Variants in TBC1D4 observed in about 807,000 individuals in gnomAD.
TBC1D4 encodes TBC (Tre-2, BUB2, CDC16) domain-containing protein.
TBC1D4 carries 121 observed loss-of-function variants against 142.5 expected under a neutral mutation model. The ratio of observed to expected loss-of-function variants is 0.85; its 90% CI spans 0.73 to 0.99. The LOEUF is 0.99. Among genes scored for constraint, TBC1D4 ranks in the 50% least tolerant of loss-of-function variants. The probability of loss-of-function intolerance (pLI) is 0.00; values close to 1 mark genes in which losing one functional copy is unlikely to be tolerated. For synonymous variants in TBC1D4, 630 were observed against 628.2 expected, an observed-to-expected ratio of 1.00 and a Z score of -0.04; for missense variants, 1,475 against 1,606.6, an observed-to-expected ratio of 0.92 and a Z score of 1.40.
intron 12 of TBC1D4, among the ~76,000 whole-genome samples, chr13:75,313,919 G>A (rs1329122834): frequency 2.0e-5 from 3 of 152,164 alleles, no homozygotes; most frequent in Non-Finnish European, 4.4e-5. Context: ...GGGAAACAGT[G>A]TATAGAAATT....
intron 1 of TBC1D4, among the ~76,000 whole-genome samples, chr13:75,440,200 G>GA (rs939923054): frequency 2.7e-5 from 4 of 150,238 alleles, no homozygotes; most frequent in Admixed American, 6.6e-5. Context: ...AACTGGAAAA[G>GA]AAAAAAAAAG....
At chr13:75,397,314 T>A (rs1441574176) in intron 1 of TBC1D4, among the ~76,000 whole-genome samples, 2 of 152,026 alleles carry the variant, frequency 1.3e-5, no homozygotes, top group African/African-American at 2.4e-5. Flanking sequence ...AAAGCATAAA[T>A]TAACTATGAA....
At chr13:75,327,704 C>T (rs1026032764) in intron 9 of TBC1D4, 48 bp downstream of exon 9, 4 of 1,571,910 alleles carry the variant, frequency 2.5e-6, no homozygotes, top group Non-Finnish European at 3.5e-6. Flanking sequence ...CATATCGGTG[C>T]TGACTTTGTT....
chr13:75,298,620 G>T (rs1029280976), intron 17 of TBC1D4, among the ~76,000 whole-genome samples: 1 of 152,182 alleles, frequency 6.6e-6, no homozygotes, highest in African/African-American at 2.4e-5. Context: ...AGGCATGGTG[G>T]CACCTGCCTG....
At chr13:75,405,132 G>A (rs996074105) in intron 1 of TBC1D4, among the ~76,000 whole-genome samples, 4 of 152,112 alleles carry the variant, frequency 2.6e-5, no homozygotes, top group African/African-American at 4.8e-5. Flanking sequence ...TCAGCTATAT[G>A]GAGAGAAGAC....
intron 1 of TBC1D4, among the ~76,000 whole-genome samples, chr13:75,461,170 T>C (rs923036136): frequency 1.3e-5 from 2 of 152,222 alleles, no homozygotes; most frequent in Admixed American, 1.3e-4. Context: ...TGCTGTATAT[T>C]TGGGAGCCAC....
At chr13:75,407,770 A>C (rs887977991) in intron 1 of TBC1D4, among the ~76,000 whole-genome samples, 2 of 152,082 alleles carry the variant, frequency 1.3e-5, no homozygotes, top group African/African-American at 2.4e-5. Flanking sequence ...CCCACAGCAA[A>C]GTCTAAGGGT....
intron 13 of TBC1D4, among the ~76,000 whole-genome samples, chr13:75,312,269 A>C (rs528428656): frequency 6.6e-6 from 1 of 151,952 alleles, no homozygotes; most frequent in African/African-American, 2.4e-5. Flanking sequence ...GCTCTTATAA[A>C]AGGCTATGTT....
At chr13:75,388,777 C>T (rs6562891) in intron 1 of TBC1D4, among the ~76,000 whole-genome samples, 149,990 of 152,336 alleles carry the variant, frequency 0.98, 73,884 homozygotes, top group East Asian at 1. Flanking sequence ...GTACTATGGT[C>T]CTCAAGTCTT....
intron 1 of TBC1D4, among the ~76,000 whole-genome samples, chr13:75,366,013 A>G (rs1238093178): frequency 6.6e-6 from 1 of 152,194 alleles, no homozygotes; most frequent in African/African-American, 2.4e-5. Flanking sequence ...CCAAACTAGG[A>G]AGTGACGGTA....
chr13:75,467,398 C>G (rs552619995), intron 1 of TBC1D4, among the ~76,000 whole-genome samples: 23 of 152,268 alleles, frequency 1.5e-4, no homozygotes, highest in African/African-American at 5.3e-4. Context: ...ATTATAAAAA[C>G]TAATGACAAA....
chr13:75,307,466 G>A (rs1230499186), intron 14 of TBC1D4, among the ~76,000 whole-genome samples: 2 of 152,012 alleles, frequency 1.3e-5, no homozygotes, highest in Non-Finnish European at 1.5e-5. Context: ...AAAAGAGAAG[G>A]AAGAGCAGAC....
At chr13:75,427,842 T>C (rs1886441539) in intron 1 of TBC1D4, among the ~76,000 whole-genome samples, 3 of 152,258 alleles carry the variant, frequency 2.0e-5, no homozygotes, top group African/African-American at 4.8e-5. Context: ...TCTTGTTTTA[T>C]GTTGCTTATA....
rs544949458 is a variant in TBC1D4, at chr13:75,286,567, A to G, written c.*225T>C. 1.1e-5 allele frequency: 5 copies of G among 475,276 alleles called. No homozygotes were observed. In the South Asian group the frequency reaches 1.4e-4, roughly 13 times the overall value. 29.4% of individuals were successfully genotyped at this position (475,276 alleles called of 1,614,324 possible). ...TGAACTATGTTCATTTTATATATATATTTATATGTACATAGCAACAACAAA... is the reference window on the plus strand; with the variant it reads ...TGAACTATGTTCATTTTATATATATGTTTATATGTACATAGCAACAACAAA... On this transcript the variant is annotated 3_prime_UTR_variant, in exon 21 of 21. Transcript: ENST00000377636.
intron 11 of TBC1D4, among the ~76,000 whole-genome samples, chr13:75,322,330 G>A (rs1323672788): frequency 6.6e-6 from 1 of 152,124 alleles, no homozygotes; most frequent in Non-Finnish European, 1.5e-5. Context: ...AAATTTAAAA[G>A]TTTGCCATAT....
chr13:75,391,381 A>G (rs1038994752), intron 1 of TBC1D4, among the ~76,000 whole-genome samples: 1 of 152,052 alleles, frequency 6.6e-6, no homozygotes, highest in Non-Finnish European at 1.5e-5. Flanking sequence ...TTGAACCCAT[A>G]TAACATCAGG....
intron 1 of TBC1D4, among the ~76,000 whole-genome samples, chr13:75,434,403 A>G (rs996179490): frequency 6.6e-6 from 1 of 152,224 alleles, no homozygotes; most frequent in African/African-American, 2.4e-5. Context: ...AAACTAACAC[A>G]GGAACAGAAA....
intron 1 of TBC1D4, among the ~76,000 whole-genome samples, chr13:75,450,510 A>T (rs1887490813): frequency 6.6e-6 from 1 of 152,232 alleles, no homozygotes; most frequent in African/African-American, 2.4e-5. Flanking sequence ...TCAAATAGAA[A>T]GGACGAAATT....
intron 3 of TBC1D4, among the ~76,000 whole-genome samples, chr13:75,357,865 C>T (rs1280189694): frequency 1.3e-5 from 2 of 152,196 alleles, no homozygotes; most frequent in East Asian, 1.9e-4. Context: ...ACAAATCTCC[C>T]TCCTGCTTCT....
Sources: gnomAD v4.1 joint callset for allele counts (sites outside exome capture counted in the v4.1 genomes callset) on GRCh38, gnomAD v4.1.1 for gene constraint, MANE v1.5 for transcripts, NCBI Gene and HGNC (gene_info 2026-07-23, HGNC 2026-07-21) for gene names.